MYO3A: variants seen among roughly 807,000 people sequenced by gnomAD.
MYO3A encodes myosin-IIIa.
A neutral mutation model predicts 192.7 loss-of-function variants in MYO3A; 180 were observed. That is an observed-to-expected ratio of 0.93 (90% CI 0.83 to 1.06). MYO3A has a LOEUF of 1.06. MYO3A is among the 50% of genes least tolerant of loss of function. The pLI is 0.00. For missense variants in MYO3A, 1,896 were observed against 1,905.0 expected (o/e 1.00, Z 0.09); for synonymous variants, 628 against 645.3 (o/e 0.97, Z 0.41).
intron 33 of MYO3A, among the ~76,000 whole-genome samples, chr10:26,202,526 T>C (rs542984470): frequency 5.3e-5 from 8 of 152,180 alleles, no homozygotes; most frequent in African/African-American, 1.7e-4. Flanking sequence ...ATGAAGGAGG[T>C]AAGTTAAGAT....
rs749714433 is a variant in MYO3A, at chr10:26,173,740, G to A, written c.3476G>A (p.Gly1159Glu). 1 of 1,613,944 alleles carries A rather than the reference G, an allele frequency of 6.2e-7. No individual in the cohort carries two copies. ...TTCATTTCAGCTCCAAATAATAAAG[G>A]AAGTGTATCTGTAGTGAAGACTTCC... ...ERFISAPNNK[G>E]SVSVVKTSTF... The change falls in exon 30 of 35, where the codon GGA becomes GAA. Residue 1159 changes from glycine to glutamate, a missense_variant. Coordinates refer to ENST00000642920, the MANE Select transcript of MYO3A (RefSeq NM_017433.5).
intron 17 of MYO3A, among the ~76,000 whole-genome samples, chr10:26,112,603 T>C (rs1838256908): frequency 6.6e-6 from 1 of 152,190 alleles, no homozygotes; most frequent in Non-Finnish European, 1.5e-5. Context: ...ATACAGTCTC[T>C]TTTTCTCACT....
chr10:26,153,906 G>C lies in MYO3A; in HGVS notation c.2692G>C (p.Glu898Gln). The C allele has an allele frequency of 6.3e-7, 1 of 1,594,762 alleles. No homozygotes were observed. The highest frequency in any genetic ancestry group is 8.6e-7 in the Non-Finnish European group (1 of 1,162,750). The change falls in exon 24 of 35, where the codon GAA becomes CAA. Residue 898 changes from glutamate to glutamine, a missense_variant. Physicochemically the swap from Glu to Gln is conservative, Grantham distance 29. Coordinates refer to ENST00000642920, the MANE Select transcript of MYO3A (RefSeq NM_017433.5). ...NVINYQMRTS[E>Q]KLINLAKGDT... is the part of the protein sequence containing the mutation. ...TATAAACTATCAAATGAGGACTTCAGAAAAATTAATCAACCTGGCAAAGGT... is the reference window on the plus strand; with the variant it reads ...TATAAACTATCAAATGAGGACTTCACAAAAATTAATCAACCTGGCAAAGGT...
intron 17 of MYO3A, among the ~76,000 whole-genome samples, chr10:26,110,961 C>T (rs528843273): frequency 6.6e-6 from 1 of 150,706 alleles, no homozygotes. Context: ...AACTCCTGAG[C>T]TCAATCTGTC....
intron 2 of MYO3A, among the ~76,000 whole-genome samples, chr10:25,943,950 G>T (rs1300825303): frequency 6.6e-6 from 1 of 151,962 alleles, no homozygotes; most frequent in Non-Finnish European, 1.5e-5. Flanking sequence ...GAATAGAAAT[G>T]GTAAAAGTGG....
chr10:26,203,077 T>A lies in MYO3A; in HGVS notation c.4700T>A (p.Leu1567His), dbSNP rs1300776963. The A allele has an allele frequency of 6.2e-7, 1 of 1,613,714 alleles. No individual in the cohort carries two copies. Reference sequence around the variant, plus strand: ...AGAGAACGAAGACCACAGCAAGAACTCCAGAATCAATGTATTAAGGCTAAT... The same window carrying A: ...AGAGAACGAAGACCACAGCAAGAACACCAGAATCAATGTATTAAGGCTAAT... The part of the protein sequence containing the change: ...SLRERRPQQE[L>H]QNQCIKANER... The change falls in exon 34 of 35, where the codon CTC (leucine) becomes CAC (histidine). Residue 1567 changes from leucine (L) to histidine (H), a missense_variant. Transcript: ENST00000642920.
rs529523146 is a variant in MYO3A, at chr10:25,944,178, C to A, written c.-17-7916C>A. Among the ~76,000 whole-genome samples the A allele has an allele frequency of 1.3e-3, 194 of 151,912 alleles. 2 individuals are homozygous for A. In the South Asian group the frequency reaches 0.016, roughly 12 times the overall value. The stretch of plus-strand genomic sequence containing the variant: ...GATCATGTGTTTTTTCCCCTTTCTT[C>A]TGTTAATATGGCATATTACATTGAT... On this transcript the variant is annotated intron_variant, in intron 2 of 34. Coordinates refer to ENST00000642920, the MANE Select transcript of MYO3A (RefSeq NM_017433.5).
chr10:26,161,466 A>G (rs965751972), intron 26 of MYO3A, among the ~76,000 whole-genome samples: 1 of 152,220 alleles, frequency 6.6e-6, no homozygotes, highest in Non-Finnish European at 1.5e-5. Flanking sequence ...TGGTTTGGCT[A>G]CCAGAGCTCT....
intron 14 of MYO3A, among the ~76,000 whole-genome samples, chr10:26,076,492 C>G (rs1026286557): frequency 1.3e-5 from 2 of 152,068 alleles, no homozygotes; most frequent in African/African-American, 4.8e-5. Flanking sequence ...CATGCAAAAG[C>G]TCTTTGGTTT....
At chr10:26,208,489 A>G (rs1202810058) in intron 34 of MYO3A, among the ~76,000 whole-genome samples, 1 of 152,232 alleles carries the variant, frequency 6.6e-6, no homozygotes, top group East Asian at 1.9e-4. Context: ...CTGCAAATTG[A>G]AAATAACAAG....
chr10:26,097,326 C>A (rs1837100519), intron 17 of MYO3A, among the ~76,000 whole-genome samples: 1 of 152,012 alleles, frequency 6.6e-6, no homozygotes, highest in Non-Finnish European at 1.5e-5. Context: ...TTGCAAGGTT[C>A]ATCCATTTTT....
chr10:26,120,971 A>G (rs1838828364), intron 18 of MYO3A, among the ~76,000 whole-genome samples, 169 bp downstream of exon 18: 2 of 152,188 alleles, frequency 1.3e-5, no homozygotes, highest in East Asian at 1.9e-4. Context: ...TACTTAAAAC[A>G]TCTTCATGCT....
At chr10:25,977,014 T>C (rs1839003608) in intron 4 of MYO3A, among the ~76,000 whole-genome samples, 1 of 152,198 alleles carries the variant, frequency 6.6e-6, no homozygotes, top group African/African-American at 2.4e-5. Context: ...GAATATTATC[T>C]TGTTACTTTT....
intron 34 of MYO3A, 25 bp from the exon 35 acceptor site, chr10:26,211,818 C>T (rs1422433361): frequency 1.2e-6 from 2 of 1,613,940 alleles, no homozygotes; most frequent in Non-Finnish European, 1.7e-6. Flanking sequence ...GAGGTTGACA[C>T]TTGGGCCCTG....
At chr10:26,075,535 T>C (rs1835476359) in intron 14 of MYO3A, among the ~76,000 whole-genome samples, 1 of 150,402 alleles carries the variant, frequency 6.6e-6, no homozygotes, top group African/African-American at 2.4e-5. Context: ...TGTTTGTTTT[T>C]CCACTCCTGA....
chr10:26,211,463 G>A (rs951922638), intron 34 of MYO3A, among the ~76,000 whole-genome samples: 1 of 152,032 alleles, frequency 6.6e-6, no homozygotes, highest in African/African-American at 2.4e-5. Context: ...TGTCTATTTG[G>A]GCACTTTGAG....
Position 25,997,143 on chromosome 10 carries a change from A to G in MYO3A, c.409-16A>G, listed in dbSNP as rs1840501711. The G allele has an allele frequency of 6.3e-7, 1 of 1,590,990 alleles. No homozygotes were observed. The highest frequency in any genetic ancestry group is 1.3e-5 in the African/African-American group (1 of 74,320). ...ATGCTTTTGTTAAGAGTCATTATATATTTCTTATCTTCTAGGGACTTCAAC... is the reference window on the plus strand; with the variant it reads ...ATGCTTTTGTTAAGAGTCATTATATGTTTCTTATCTTCTAGGGACTTCAAC... On this transcript the variant is annotated splice_polypyrimidine_tract_variant and intron_variant, in intron 5 of 34. Coordinates refer to ENST00000642920, the MANE Select transcript of MYO3A (RefSeq NM_017433.5).
chr10:26,157,569 A>G (rs1841218534), intron 26 of MYO3A, 54 bp downstream of exon 26: 10 of 1,560,110 alleles, frequency 6.4e-6, no homozygotes, highest in Admixed American at 1.7e-5. Flanking sequence ...AAAATCATTC[A>G]GAAGAATTAT....
chr10:26,046,698 T>G (rs1370212493), intron 10 of MYO3A, among the ~76,000 whole-genome samples: 1 of 152,210 alleles, frequency 6.6e-6, no homozygotes, highest in Admixed American at 6.5e-5. Context: ...GTAATCTGGA[T>G]CCTGATTTAG....
Sources: gnomAD v4.1 joint callset for allele counts (sites outside exome capture counted in the v4.1 genomes callset) on GRCh38, gnomAD v4.1.1 for gene constraint, MANE v1.5 for transcripts, NCBI Gene and HGNC (gene_info 2026-07-23, HGNC 2026-07-21) for gene names.